The following VPS8 variants were observed in gnomAD, a reference collection of about 807,000 sequenced individuals.
The protein encoded by VPS8 is vacuolar protein sorting-associated protein 8 homolog.
Under a neutral mutation model 216.4 loss-of-function variants are expected in VPS8, and 129 were observed. The ratio of observed to expected loss-of-function variants is 0.60; its 90% CI spans 0.52 to 0.69. VPS8 has a LOEUF of 0.69. VPS8 is among the 30% of genes least tolerant of loss of function. The pLI is 0.00. For synonymous variants in VPS8, 571 were observed against 565.4 expected, an observed-to-expected ratio of 1.01 and a Z score of -0.14; for missense variants, 1,531 against 1,683.5, an observed-to-expected ratio of 0.91 and a Z score of 1.59.
chr3:185,021,005 G>C (rs1756572147), intron 45 of VPS8, among the ~76,000 whole-genome samples: 1 of 152,184 alleles, frequency 6.6e-6, no homozygotes, highest in Admixed American at 6.5e-5. Context: ...CCAGGAGTTG[G>C]AGGTTGCAGT....
intron 25 of VPS8, among the ~76,000 whole-genome samples, chr3:184,909,155 C>T (rs1419037399): frequency 2.0e-5 from 3 of 152,162 alleles, no homozygotes; most frequent in Non-Finnish European, 1.5e-5. Context: ...CACAGCTGCC[C>T]AAGTTGTAAG....
At chr3:184,973,793 G>A (rs1405037078) in intron 40 of VPS8, among the ~76,000 whole-genome samples, 1 of 151,976 alleles carries the variant, frequency 6.6e-6, no homozygotes, top group African/African-American at 2.4e-5. Context: ...CAGAACATGC[G>A]ATATTTGTCT....
chr3:185,031,067 T>TG (rs1264997270), intron 46 of VPS8, among the ~76,000 whole-genome samples: 1 of 136,512 alleles, frequency 7.3e-6, no homozygotes, highest in Non-Finnish European at 1.6e-5. Context: ...GTTGGCGTTT[T>TG]TTTTTTTTTT....
intron 22 of VPS8, among the ~76,000 whole-genome samples, chr3:184,889,091 C>T (rs984298165): frequency 1.3e-5 from 2 of 152,024 alleles, no homozygotes; most frequent in African/African-American, 4.8e-5. Flanking sequence ...AGGAAATATT[C>T]TCTAACATTT....
chr3:184,830,123 G>A (rs990980303), intron 3 of VPS8, among the ~76,000 whole-genome samples: 2 of 151,998 alleles, frequency 1.3e-5, no homozygotes, highest in Admixed American at 6.6e-5. Context: ...AATCTTCATT[G>A]TTGTTCCTTT....
At chr3:184,833,157 G>A (rs1221303688) in intron 4 of VPS8, among the ~76,000 whole-genome samples, 1 of 151,944 alleles carries the variant, frequency 6.6e-6, no homozygotes, top group Admixed American at 6.5e-5. Flanking sequence ...CCACCCTCCC[G>A]CACCTCCCTG....
intron 3 of VPS8, among the ~76,000 whole-genome samples, chr3:184,829,453 T>C (rs1048357751): frequency 2.0e-5 from 3 of 152,144 alleles, no homozygotes; most frequent in African/African-American, 7.2e-5. Context: ...TGACCTCAGG[T>C]GATCTGCCTG....
chr3:185,041,137 G>A (rs146942055), intron 46 of VPS8, among the ~76,000 whole-genome samples: 1,658 of 152,050 alleles, frequency 0.011, 30 homozygotes, highest in African/African-American at 0.037. Context: ...CCTGGGAGGC[G>A]GAGGTTGCAG....
intron 45 of VPS8, among the ~76,000 whole-genome samples, chr3:185,000,067 A>T (rs1753193158): frequency 6.6e-6 from 1 of 152,242 alleles, no homozygotes; most frequent in South Asian, 2.1e-4. Flanking sequence ...TGAGAGCAAC[A>T]GATGACATTT....
intron 16 of VPS8, among the ~76,000 whole-genome samples, chr3:184,865,322 G>A (rs1156325115): frequency 6.6e-6 from 1 of 152,054 alleles, no homozygotes; most frequent in Non-Finnish European, 1.5e-5. Flanking sequence ...AAAATAAACT[G>A]TATACGAATT....
At chr3:184,839,604 T>C (rs1721741649) in intron 6 of VPS8, 94 bp from the exon 7 acceptor site, 1 of 1,177,322 alleles carries the variant, frequency 8.5e-7, no homozygotes, top group Admixed American at 2.5e-5. Context: ...TGTCATCTGG[T>C]GCCTAGAGGA....
intron 46 of VPS8, among the ~76,000 whole-genome samples, chr3:185,043,653 A>G (rs1712197774): frequency 6.6e-6 from 1 of 152,210 alleles, no homozygotes; most frequent in Admixed American, 6.5e-5. Flanking sequence ...CTAGGCTTCC[A>G]AAGTCATTTT....
At chr3:185,043,814 G>A (rs776152953) in intron 46 of VPS8, among the ~76,000 whole-genome samples, 2 of 152,178 alleles carry the variant, frequency 1.3e-5, no homozygotes, top group Admixed American at 6.5e-5. Flanking sequence ...GCAGGTGTCC[G>A]TCAGTTTCAC....
intron 45 of VPS8, among the ~76,000 whole-genome samples, chr3:185,014,979 A>G (rs571741241): frequency 1.5e-4 from 23 of 152,218 alleles, no homozygotes; most frequent in Non-Finnish European, 3.2e-4. Flanking sequence ...GTCCACACAT[A>G]CATGTACATA....
chr3:185,023,589 C>T (rs1244236129), intron 45 of VPS8, among the ~76,000 whole-genome samples: 1 of 151,918 alleles, frequency 6.6e-6, no homozygotes, highest in East Asian at 1.9e-4. Flanking sequence ...ACCTGGGAGG[C>T]GGAGGTTGCA....
At chr3:185,031,420 T>C (rs1460276035) in intron 46 of VPS8, among the ~76,000 whole-genome samples, 1 of 152,212 alleles carries the variant, frequency 6.6e-6, no homozygotes, top group Admixed American at 6.5e-5. Flanking sequence ...CAAATATGAC[T>C]TCATTGCCTC....
Position 184,860,039 on chromosome 3 carries a change from C to G in VPS8, c.1198C>G (p.Leu400Val), listed in dbSNP as rs776116344. 1 of 1,612,660 alleles carries G rather than the reference C, an allele frequency of 6.2e-7. No homozygotes were observed. Among genetic ancestry groups the G allele is most frequent in the Non-Finnish European group, 8.5e-7 (1 of 1,179,104 alleles). The change falls in exon 15 of 48, where the codon CTA (leucine) becomes GTA (valine). Residue 400 changes from leucine to valine, a missense_variant. Physicochemically the swap from Leu to Val is conservative, Grantham distance 32. Around this residue, in one of 3 missense-constraint regions of VPS8, gnomAD observed 1,318 missense variants for 1,468.4 expected, o/e 0.90. Coordinates refer to ENST00000625842, the MANE Select transcript of VPS8 (RefSeq NM_001009921.3). The part of the protein sequence containing the change: ...IHVTKQKHLH[L>V]YYDLINFTWI... ...TGTTACTAAGCAAAAGCATCTTCAC[C>G]TATACTATGACCTCATCAACTTTAC...
intron 25 of VPS8, among the ~76,000 whole-genome samples, chr3:184,902,065 G>T (rs958949189): frequency 2.8e-5 from 4 of 144,232 alleles, no homozygotes; most frequent in East Asian, 4.1e-4. Context: ...TCATGTGCTT[G>T]TTTAGCCATT....
intron 40 of VPS8, among the ~76,000 whole-genome samples, chr3:184,978,739 T>A (rs1462844335): frequency 6.6e-6 from 1 of 152,204 alleles, no homozygotes; most frequent in East Asian, 1.9e-4. Context: ...ATCTTATTTA[T>A]TCTTTCAAAG....
Sources: gnomAD v4.1 joint callset for allele counts (sites outside exome capture counted in the v4.1 genomes callset) on GRCh38, gnomAD v4.1.1 for gene constraint, gnomAD v4.1.1 regional missense constraint, MANE v1.5 for transcripts, NCBI Gene and HGNC (gene_info 2026-07-23, HGNC 2026-07-21) for gene names.